MX2: variants seen among roughly 807,000 people sequenced by gnomAD.
MX2 encodes the protein interferon-induced GTP-binding protein Mx2.
Under a neutral mutation model 74.0 loss-of-function variants are expected in MX2, and 51 were observed. The observed-to-expected ratio is 0.69, with a 90% confidence interval of 0.55 to 0.87. MX2 has a LOEUF of 0.87. Among genes scored for constraint, MX2 ranks in the 40% least tolerant of loss-of-function variants. MX2 has a pLI of 0.00. For missense variants in MX2, 832 were observed against 908.7 expected, an observed-to-expected ratio of 0.92 and a Z score of 1.09; for synonymous variants, 369 against 339.3, an observed-to-expected ratio of 1.09 and a Z score of -0.96.
At chr21:41,364,270 T>G (rs1196866255) in intron 1 of MX2, 1 of 152,188 alleles carries the variant, frequency 6.6e-6, no homozygotes, top group Non-Finnish European at 1.5e-5. Flanking sequence ...TTTGCAAAGG[T>G]CTCTGGAATT....
chr21:41,392,879 C>T (rs533562846), intron 6 of MX2, among the ~76,000 whole-genome samples: 34 of 151,952 alleles, frequency 2.2e-4, no homozygotes, highest in African/African-American at 5.5e-4. Flanking sequence ...CCAAGGCGGG[C>T]GGATCACCTG....
chr21:41,397,841 C>T, intron 8 of MX2, 150 bp downstream of exon 8: 2 of 595,638 alleles, frequency 3.4e-6, no homozygotes, highest in Non-Finnish European at 5.8e-6. Flanking sequence ...CACAGGCTCA[C>T]TGGAAGAACT....
At chr21:41,374,758 G>A (rs1361682779) in intron 1 of MX2, among the ~76,000 whole-genome samples, 2 of 152,190 alleles carry the variant, frequency 1.3e-5, no homozygotes, top group African/African-American at 4.8e-5. Flanking sequence ...CCTGAGTCCT[G>A]TGGCCTGGCC....
At chr21:41,394,731 G>A (rs11909373) in intron 6 of MX2, among the ~76,000 whole-genome samples, 34,341 of 151,846 alleles carry the variant, frequency 0.23, 7,307 homozygotes, top group African/African-American at 0.55. Flanking sequence ...TCATGAGGTC[G>A]GGAGTTTGAG....
intron 1 of MX2, among the ~76,000 whole-genome samples, chr21:41,367,815 C>G (rs957030796): frequency 6.6e-6 from 1 of 152,176 alleles, no homozygotes; most frequent in Non-Finnish European, 1.5e-5. Flanking sequence ...TGCATCTTAT[C>G]AAGGCCTTGC....
intron 3 of MX2, 52 bp downstream of exon 3, chr21:41,378,033 C>T (rs986167863): frequency 4.5e-6 from 7 of 1,567,566 alleles, no homozygotes; most frequent in Non-Finnish European, 6.1e-6. Context: ...CACCTGTAAG[C>T]CACAAAGCTT....
At chr21:41,393,256 A>C (rs1280772742) in intron 6 of MX2, among the ~76,000 whole-genome samples, 1 of 152,170 alleles carries the variant, frequency 6.6e-6, no homozygotes, top group Non-Finnish European at 1.5e-5. Flanking sequence ...CAAAAAGAAC[A>C]GTGGGTCGAT....
intron 5 of MX2, among the ~76,000 whole-genome samples, chr21:41,384,592 C>T (rs1313827408): frequency 6.6e-6 from 1 of 152,200 alleles, no homozygotes; most frequent in East Asian, 1.9e-4. Flanking sequence ...TAATCCCTAA[C>T]AGTGAGTTAT....
Position 41,398,932 on chromosome 21 carries a change from G to C in MX2, c.1185G>C (p.Glu395Asp), listed in dbSNP as rs779940331. ...SLPLLEGQIRESHQKATEELR... is the reference protein window; with the variant it reads ...SLPLLEGQIRDSHQKATEELR... ...CGTTGTTAGAAGGACAAATAAGGGAGAGCCACCAGAAGGCGACCGAGGAGC... is the reference window on the plus strand; with the variant it reads ...CGTTGTTAGAAGGACAAATAAGGGACAGCCACCAGAAGGCGACCGAGGAGC... The change falls in exon 9 of 14, where the codon GAG becomes GAC. Residue 395 changes from glutamate to aspartate, a missense_variant. Coordinates refer to ENST00000330714, the MANE Select transcript of MX2 (RefSeq NM_002463.2). 3.1e-6 allele frequency: 5 copies of C among 1,613,938 alleles called. No homozygotes were observed. The highest frequency in any genetic ancestry group is 1.1e-5 in the South Asian group (1 of 91,084).
chr21:41,399,096 C>T, intron 9 of MX2, 77 bp downstream of exon 9: 3 of 1,595,906 alleles, frequency 1.9e-6, no homozygotes, highest in Non-Finnish European at 2.6e-6. Context: ...CCCTTCTTCA[C>T]CCATGAGATG....
At chr21:41,375,651 C>T (rs1376303480) in intron 1 of MX2, among the ~76,000 whole-genome samples, 3 of 152,220 alleles carry the variant, frequency 2.0e-5, no homozygotes, top group Admixed American at 6.5e-5. Flanking sequence ...CTGATAAGGA[C>T]ACCTGTGATG....
chr21:41,397,033 T>A (rs985244620), intron 7 of MX2, among the ~76,000 whole-genome samples: 4 of 152,220 alleles, frequency 2.6e-5, no homozygotes, highest in Non-Finnish European at 5.9e-5. Context: ...CATGCCTGCT[T>A]GCTGGGAGCC....
At chr21:41,362,443 G>A (rs754271237) in intron 1 of MX2, among the ~76,000 whole-genome samples, 2 of 152,124 alleles carry the variant, frequency 1.3e-5, no homozygotes, top group Non-Finnish European at 2.9e-5. Context: ...GGTTTCAAGT[G>A]TTCCTTCTTT....
At chr21:41,392,310 C>T (rs780909230) in intron 6 of MX2, among the ~76,000 whole-genome samples, 9 of 152,160 alleles carry the variant, frequency 5.9e-5, no homozygotes, top group Non-Finnish European at 8.8e-5. Context: ...GTGGCATATA[C>T]GTAAAACAAT....
rs935230870 is a variant in MX2 at position 41,368,211 on chromosome 21, C to T, written c.-72+6156C>T. Among the ~76,000 whole-genome samples the T allele has an allele frequency of 6.6e-6, 1 of 152,228 alleles. No individual in the cohort carries two copies. The highest frequency in any genetic ancestry group is 2.4e-5 in the African/African-American group (1 of 41,456). ...CATTCCCTCCTGCCTCTGTGCATAG[C>T]CCAAGTCCCACCTGTCCATGTGTCA... On this transcript the variant is annotated intron_variant, in intron 1 of 13. Transcript: ENST00000330714. This position sits in a 1 kb window ranked among gnomAD's most constrained non-coding sequence, Gnocchi z 4.6.
In MX2 at chr21:41,408,241, C is replaced by T. The variant is rs373689037; in HGVS notation, c.*8C>T. ...AGCAAAGAGATCCACTGAAGGGCGG[C>T]GATGCCTGTGGTTGTTTTCTTGTGC... is the stretch of plus-strand genomic sequence containing the variant. On this transcript the variant is annotated 3_prime_UTR_variant, in exon 14 of 14. Coordinates refer to ENST00000330714, the MANE Select transcript of MX2 (RefSeq NM_002463.2). 6.4e-5 allele frequency: 103 copies of T among 1,612,826 alleles called. No individual in the cohort carries two copies. The highest frequency in any genetic ancestry group is 1.7e-4 in the Admixed American group (10 of 59,936).
chr21:41,396,873 A>G (rs966583000), intron 7 of MX2, among the ~76,000 whole-genome samples: 9 of 152,308 alleles, frequency 5.9e-5, no homozygotes, highest in African/African-American at 2.2e-4. Context: ...AAATTGTGCT[A>G]GCTCTGTCCT....
At chr21:41,375,098 GC>G (rs1381084392) in intron 1 of MX2, among the ~76,000 whole-genome samples, 1 of 152,180 alleles carries the variant, frequency 6.6e-6, no homozygotes, top group African/African-American at 2.4e-5. Flanking sequence ...CTTCCTCCAA[GC>G]CTTGCTCCTC....
intron 5 of MX2, among the ~76,000 whole-genome samples, chr21:41,384,000 G>A (rs911018320): frequency 2.6e-5 from 4 of 152,140 alleles, no homozygotes; most frequent in African/African-American, 9.7e-5. Flanking sequence ...GGTGGGAGGT[G>A]ATAGGATCAT....
Sources: gnomAD v4.1 joint callset for allele counts (sites outside exome capture counted in the v4.1 genomes callset) on GRCh38, gnomAD v4.1.1 for gene constraint, Gnocchi (gnomAD v3.1) non-coding constraint, MANE v1.5 for transcripts, NCBI Gene and HGNC (gene_info 2026-07-23, HGNC 2026-07-21) for gene names.